Variants in C12orf42 observed in about 807,000 individuals in gnomAD.
C12orf42 encodes chromosome 12 open reading frame 42.
A neutral mutation model predicts 21.6 loss-of-function variants in C12orf42; 25 were observed. The observed-to-expected ratio is 1.16, with a 90% CI of 0.84 to 1.62. The LOEUF is 1.62. Among genes scored for constraint, C12orf42 ranks in the 40% most tolerant of loss-of-function variants. The pLI is 0.00. For synonymous variants in C12orf42, 174 were observed against 175.0 expected (o/e 0.99, Z 0.05); for missense variants, 483 against 459.3 (o/e 1.05, Z -0.47).
At chr12:103,377,335 C>T (rs184159640) in intron 3 of C12orf42, among the ~76,000 whole-genome samples, 2 of 152,162 alleles carry the variant, frequency 1.3e-5, no homozygotes, top group Admixed American at 1.3e-4. Flanking sequence ...AGGCTGACTG[C>T]AGCTCTGGAT....
chr12:103,241,787 C>T (rs906604474), intron 10 of C12orf42, among the ~76,000 whole-genome samples: 2 of 152,120 alleles, frequency 1.3e-5, no homozygotes, highest in African/African-American at 4.8e-5. Context: ...TTCTCCCCAC[C>T]TCTTGGGCTT....
At chr12:103,410,650 A>G (rs1421068665) in intron 2 of C12orf42, among the ~76,000 whole-genome samples, 2 of 152,216 alleles carry the variant, frequency 1.3e-5, no homozygotes, top group African/African-American at 4.8e-5. Context: ...CCAGAAGAAC[A>G]TTTGGAACTG....
the C12orf42 span, among the ~76,000 whole-genome samples, chr12:103,111,743 C>T: frequency 5.9e-5 from 9 of 152,302 alleles, no homozygotes; most frequent in South Asian, 1.5e-3. Context: ...TTCAGAAGCA[C>T]ATTTTCATCA....
At chr12:103,429,718 T>A (rs1053430662) in intron 2 of C12orf42, among the ~76,000 whole-genome samples, 1 of 152,150 alleles carries the variant, frequency 6.6e-6, no homozygotes, top group African/African-American at 2.4e-5. Flanking sequence ...GACTGCAAAC[T>A]ATACTACAAG....
At chr12:103,477,376 G>A (rs984426522) in intron 2 of C12orf42, among the ~76,000 whole-genome samples, 7 of 152,124 alleles carry the variant, frequency 4.6e-5, no homozygotes, top group Non-Finnish European at 8.8e-5. Flanking sequence ...GGGTGGTAAT[G>A]TGGCCACAGT....
intron 10 of C12orf42, among the ~76,000 whole-genome samples, chr12:103,245,805 C>T (rs1416891376): frequency 6.6e-6 from 1 of 152,026 alleles, no homozygotes; most frequent in Non-Finnish European, 1.5e-5. Context: ...ACGTATACAC[C>T]TAACTATTGG....
intron 4 of C12orf42, among the ~76,000 whole-genome samples, chr12:103,366,378 A>C (rs747728733): frequency 1.8e-4 from 28 of 152,168 alleles, no homozygotes; most frequent in Middle Eastern, 3.4e-3. Context: ...ATAACATTGG[A>C]AAAACCCTTC....
the C12orf42 span, among the ~76,000 whole-genome samples, chr12:103,223,312 AG>A: frequency 6.6e-6 from 1 of 152,018 alleles, no homozygotes; most frequent in Non-Finnish European, 1.5e-5. Context: ...TCTTGTGGTA[AG>A]GGGTGATATT....
the C12orf42 span, among the ~76,000 whole-genome samples, chr12:103,160,302 C>A: frequency 6.6e-6 from 1 of 152,124 alleles, no homozygotes; most frequent in Non-Finnish European, 1.5e-5. Context: ...GCAAAACTAC[C>A]AAGTGCTATT....
chr12:103,302,348 C>T lies in C12orf42; in HGVS notation c.843G>A (p.Ala281=), dbSNP rs753151222. The T allele has an allele frequency of 1.9e-6, 3 of 1,613,868 alleles. No homozygotes were observed. The highest frequency in any genetic ancestry group is 2.2e-5 in the East Asian group (1 of 44,880). The change falls in exon 6 of 6, where the codon GCG becomes GCA. Residue 281 remains alanine (A), a synonymous_variant. Transcript: ENST00000548883. ...NPVGKGAVAM[A]PEMLPKHPHT... Reference sequence around the variant, plus strand: ...GAGGATGCTTGGGGAGCATCTCCGGCGCCATGGCAACCGCGCCTTTTCCGA... The same window carrying T: ...GAGGATGCTTGGGGAGCATCTCCGGTGCCATGGCAACCGCGCCTTTTCCGA...
the C12orf42 span, among the ~76,000 whole-genome samples, chr12:103,071,648 G>C: frequency 2.0e-5 from 3 of 152,118 alleles, no homozygotes; most frequent in Non-Finnish European, 4.4e-5. Context: ...ATAAATGGGA[G>C]TTCCCCTGAA....
chr12:103,400,628 C>A (rs1054183275), intron 3 of C12orf42, among the ~76,000 whole-genome samples: 3 of 152,166 alleles, frequency 2.0e-5, no homozygotes, highest in Non-Finnish European at 4.4e-5. Flanking sequence ...TCAACTAGGT[C>A]ATGTTTTTCA....
At chr12:103,363,612 C>T (rs1270102268) in intron 4 of C12orf42, among the ~76,000 whole-genome samples, 1 of 152,066 alleles carries the variant, frequency 6.6e-6, no homozygotes, top group Non-Finnish European at 1.5e-5. Flanking sequence ...TCCCCTGACA[C>T]ATAGGACTCA....
chr12:103,429,369 T>G (rs996308212), intron 2 of C12orf42, among the ~76,000 whole-genome samples: 2 of 151,996 alleles, frequency 1.3e-5, no homozygotes, highest in South Asian at 4.2e-4. Context: ...CCCATTCACA[T>G]TTGCTACAAA....
chr12:103,558,323 C>T, the C12orf42 span: 3 of 152,150 alleles, frequency 2.0e-5, no homozygotes, highest in African/African-American at 4.8e-5. Context: ...ATCCCAAGTC[C>T]TTCTTGTGGA....
At chr12:103,281,707 G>A (rs117608548) in intron 4 of C12orf42, among the ~76,000 whole-genome samples, 1 of 152,002 alleles carries the variant, frequency 6.6e-6, no homozygotes, top group Non-Finnish European at 1.5e-5. Flanking sequence ...CCAGGTTGGA[G>A]TGCAGTGGTG....
chr12:103,180,344 A>G, the C12orf42 span, among the ~76,000 whole-genome samples: 1 of 152,174 alleles, frequency 6.6e-6, no homozygotes, highest in Non-Finnish European at 1.5e-5. Context: ...GATGGCAATA[A>G]CGAACTAAAG....
At chr12:103,127,144 C>T in the C12orf42 span, among the ~76,000 whole-genome samples, 1 of 152,282 alleles carries the variant, frequency 6.6e-6, no homozygotes, top group Non-Finnish European at 1.5e-5. Flanking sequence ...CATGACCTTT[C>T]TGGAAGAAAA....
At chr12:103,486,184 C>A (rs145634298) in intron 1 of C12orf42, among the ~76,000 whole-genome samples, 1 of 152,030 alleles carries the variant, frequency 6.6e-6, no homozygotes, top group Non-Finnish European at 1.5e-5. Flanking sequence ...TAGCACGAAG[C>A]GCTGTTGAAT....
Sources: allele counts gnomAD v4.1 joint callset (sites outside exome capture counted in the v4.1 genomes callset), GRCh38; gene constraint gnomAD v4.1.1; transcripts MANE v1.5; gene names NCBI Gene and HGNC (gene_info 2026-07-23, HGNC 2026-07-21).